Variants in FARP1 observed in about 807,000 individuals in gnomAD.
FARP1 encodes FERM, ARHGEF and pleckstrin domain-containing protein 1.
FARP1 carries 52 observed loss-of-function variants against 128.8 expected under a neutral mutation model. That is an observed-to-expected ratio of 0.40 (90% confidence interval 0.32 to 0.51). FARP1 has a LOEUF of 0.51. Ranked by LOEUF, FARP1 falls within the 20% of genes least tolerant of loss-of-function variation. The pLI, the probability that FARP1 is intolerant of heterozygous loss-of-function variation, is 0.45. For missense variants in FARP1, 1,333 were observed against 1,367.9 expected, an observed-to-expected ratio of 0.97 and a Z score of 0.40; for synonymous variants, 580 against 551.8, an observed-to-expected ratio of 1.05 and a Z score of -0.72.
intron 1 of FARP1, among the ~76,000 whole-genome samples, chr13:98,209,471 GATT>G (rs1347525335): frequency 4.8e-5 from 4 of 83,836 alleles, no homozygotes; most frequent in Non-Finnish European, 7.2e-5. Flanking sequence ...GGGGAGGAAA[GATT>G]TTTTTTTTTT....
At chr13:98,286,300 T>C (rs1209360781) in intron 2 of FARP1, among the ~76,000 whole-genome samples, 1 of 152,200 alleles carries the variant, frequency 6.6e-6, no homozygotes, top group Non-Finnish European at 1.5e-5. Context: ...CAGCTGGTCT[T>C]TCTGCCTCCC....
At chr13:98,201,016 CTT>C (rs1297872106) in intron 1 of FARP1, among the ~76,000 whole-genome samples, 1 of 152,134 alleles carries the variant, frequency 6.6e-6, no homozygotes, top group Non-Finnish European at 1.5e-5. Flanking sequence ...TAGCCATTGT[CTT>C]TTCTTTGTGT....
chr13:98,279,423 C>G (rs569395109), intron 2 of FARP1, among the ~76,000 whole-genome samples: 1 of 152,300 alleles, frequency 6.6e-6, no homozygotes, highest in African/African-American at 2.4e-5. Flanking sequence ...CCATTTGAAA[C>G]AAATTCCACA....
chr13:98,298,223 C>T (rs1271318219), intron 2 of FARP1, among the ~76,000 whole-genome samples: 4 of 152,218 alleles, frequency 2.6e-5, no homozygotes, highest in South Asian at 2.1e-4. Context: ...ACAGCATTTT[C>T]AAGGCTTGGT....
chr13:98,438,729 G>A (rs1225088936), intron 19 of FARP1, 75 bp from the exon 20 acceptor site: 9 of 1,205,618 alleles, frequency 7.5e-6, no homozygotes, highest in South Asian at 4.9e-5. Context: ...TTTAGCCCTC[G>A]GGGTCTGCAC....
At chr13:98,289,482 G>T (rs1488441118) in intron 2 of FARP1, among the ~76,000 whole-genome samples, 1 of 152,132 alleles carries the variant, frequency 6.6e-6, no homozygotes, top group Non-Finnish European at 1.5e-5. Flanking sequence ...TGAGCCATCC[G>T]CATGCAGTGA....
chr13:98,164,795 G>A (rs1877126019), intron 1 of FARP1, among the ~76,000 whole-genome samples: 1 of 152,130 alleles, frequency 6.6e-6, no homozygotes, highest in Non-Finnish European at 1.5e-5. Context: ...ATTGTCCCAA[G>A]TGGGTCGGCC....
chr13:98,194,664 A>G (rs9919832), intron 1 of FARP1, among the ~76,000 whole-genome samples: 5,676 of 152,304 alleles, frequency 0.037, 339 homozygotes, highest in African/African-American at 0.13. Flanking sequence ...CAAGTAAAAC[A>G]CATTTGAGAA....
Position 98,395,306 on chromosome 13 carries a change from C to T in FARP1, c.1244C>T (p.Pro415Leu). ...CAGAGCTGCCGGCGAGGAAAGGAAC[C>T]GAAGGTTTCCGCCGGGGAGCCGGGG... ...GGQSCRRGKE[P>L]KVSAGEPGSH... The change falls in exon 13 of 27, where the codon CCG (proline) becomes CTG (leucine). Residue 415 changes from proline (P) to leucine (L), a missense_variant. Coordinates refer to ENST00000319562, the MANE Select transcript of FARP1 (RefSeq NM_005766.4). 1.2e-6 allele frequency: 2 copies of T among 1,610,248 alleles called. No individual in the cohort carries two copies. Among genetic ancestry groups the T allele is most frequent in the African/African-American group, 1.3e-5 (1 of 75,014 alleles).
chr13:98,448,499 C>T lies in FARP1; in HGVS notation c.*182C>T, dbSNP rs553953830. The T allele has an allele frequency of 2.2e-5, 13 of 590,334 alleles. No individual in the cohort carries two copies. The highest frequency in any genetic ancestry group is 1.3e-4 in the African/African-American group (7 of 53,636). The allele number at this position is 590,334 out of a possible 1,614,324, so 36.6% of individuals were successfully genotyped here. On this transcript the variant is annotated 3_prime_UTR_variant, in exon 27 of 27. Transcript: ENST00000319562. ...GACCTCTCAGCGTCTGAATGAACAGCGCTCCCACCTCCAGTCCTGGCATCC... is the reference window on the plus strand; with the variant it reads ...GACCTCTCAGCGTCTGAATGAACAGTGCTCCCACCTCCAGTCCTGGCATCC...
intron 16 of FARP1, among the ~76,000 whole-genome samples, chr13:98,418,616 G>C (rs1218586288): frequency 2.6e-5 from 4 of 152,134 alleles, no homozygotes; most frequent in African/African-American, 9.7e-5. Flanking sequence ...AGTTTTTCTT[G>C]GATTTTCTGC....
At chr13:98,331,543 G>A (rs1319749333) in intron 2 of FARP1, among the ~76,000 whole-genome samples, 1 of 152,130 alleles carries the variant, frequency 6.6e-6, no homozygotes, top group African/African-American at 2.4e-5. Context: ...TACTGAAGGT[G>A]GAATTTTCAT....
chr13:98,284,384 C>T (rs1885071411), intron 2 of FARP1, among the ~76,000 whole-genome samples: 1 of 152,154 alleles, frequency 6.6e-6, no homozygotes, highest in Non-Finnish European at 1.5e-5. Flanking sequence ...ACTTGCCCTT[C>T]CTATGCCCTG....
intron 1 of FARP1, among the ~76,000 whole-genome samples, chr13:98,178,169 A>G (rs1292788530): frequency 6.7e-6 from 1 of 149,544 alleles, no homozygotes; most frequent in Non-Finnish European, 1.5e-5. Flanking sequence ...AATTCCTGGT[A>G]CCTAAGATAA....
At chr13:98,245,930 C>T (rs1207163496) in intron 2 of FARP1, among the ~76,000 whole-genome samples, 1 of 151,282 alleles carries the variant, frequency 6.6e-6, no homozygotes, top group African/African-American at 2.4e-5. Flanking sequence ...CGCCACGCCA[C>T]CATGCCCAGC....
intron 13 of FARP1, chr13:98,401,696 C>CA (rs539376456): frequency 0.018 from 2,077 of 116,570 alleles, 36 homozygotes; most frequent in African/African-American, 0.042. Flanking sequence ...CACACCACTC[C>CA]AAAAAAAAAA....
intron 2 of FARP1, among the ~76,000 whole-genome samples, 194 bp downstream of exon 2, chr13:98,213,607 T>A (rs942052557): frequency 6.6e-6 from 1 of 152,166 alleles, no homozygotes; most frequent in African/African-American, 2.4e-5. Context: ...AGATTTATGC[T>A]TGAACCACCC....
rs772283101 is a variant in FARP1, at chr13:98,409,566, G to T, written c.1602+41G>T. On this transcript the variant is annotated intron_variant, in intron 14 of 26. Coordinates refer to ENST00000319562, the MANE Select transcript of FARP1 (RefSeq NM_005766.4). The stretch of plus-strand genomic sequence containing the variant: ...CTCAAGCGCGTGTGTGGCTGTGTGT[G>T]CACGTGTGTTTGTGTGAATTTTAAA... 4.0e-6 allele frequency: 6 copies of T among 1,503,836 alleles called. No individual in the cohort carries two copies. In the Admixed American group the frequency reaches 1.3e-4, roughly 33 times the overall value. 93.2% of individuals were successfully genotyped at this position (1,503,836 alleles called of 1,614,324 possible).
At chr13:98,441,192 A>G (rs1892508993) in intron 24 of FARP1, among the ~76,000 whole-genome samples, 1 of 152,168 alleles carries the variant, frequency 6.6e-6, no homozygotes, top group Non-Finnish European at 1.5e-5. Context: ...GGACAGTTCC[A>G]TGGCTGTCAT....
Sources: gnomAD v4.1 joint callset for allele counts (sites outside exome capture counted in the v4.1 genomes callset) on GRCh38, gnomAD v4.1.1 for gene constraint, MANE v1.5 for transcripts, NCBI Gene and HGNC (gene_info 2026-07-23, HGNC 2026-07-21) for gene names.